LHFPL3: variants seen among roughly 807,000 people sequenced by gnomAD.
LHFPL3 encodes LHFPL tetraspan subfamily member 3.
Under a neutral mutation model 19.3 loss-of-function variants are expected in LHFPL3, and 5 were observed. The ratio of observed to expected loss-of-function variants is 0.26; its 90% confidence interval spans 0.14 to 0.54. The LOEUF is 0.54. LHFPL3 is among the 20% of genes least tolerant of loss of function. LHFPL3 has a pLI of 0.94. For missense variants in LHFPL3, 249 were observed against 307.4 expected (o/e 0.81, Z 1.42); for synonymous variants, 133 against 126.2 (o/e 1.05, Z -0.36).
rs1425624623 is a variant in LHFPL3 at position 104,328,603 on chromosome 7, G to C, written c.-177G>C. The C allele has an allele frequency of 3.2e-6, 2 of 627,152 alleles. No homozygotes were observed. Among genetic ancestry groups the C allele is most frequent in the East Asian group, 5.6e-5 (2 of 35,886 alleles). The allele number at this position is 627,152 out of a possible 1,614,324, so 38.8% of individuals were successfully genotyped here. Reference sequence around the variant, plus strand: ...CAGGCGAGCCGGAGGGGTGCTCCGCGCTCCCCCGCCCTCCTTCCGGGAGCG... The same window carrying C: ...CAGGCGAGCCGGAGGGGTGCTCCGCCCTCCCCCGCCCTCCTTCCGGGAGCG... On this transcript the variant is annotated 5_prime_UTR_variant, in exon 1 of 3. Coordinates refer to ENST00000424859, the MANE Select transcript of LHFPL3 (RefSeq NM_199000.3). This position sits in a 1 kb window ranked among gnomAD's most constrained non-coding sequence, Gnocchi z 4.6.
chr7:104,575,920 T>A (rs1422529402), intron 1 of LHFPL3, among the ~76,000 whole-genome samples: 1 of 152,144 alleles, frequency 6.6e-6, no homozygotes. Context: ...AGGGAGGTAA[T>A]CTTTTTGGAA....
intron 2 of LHFPL3, among the ~76,000 whole-genome samples, chr7:104,740,868 T>A (rs1341761038): frequency 6.6e-6 from 1 of 152,174 alleles, no homozygotes; most frequent in African/African-American, 2.4e-5. Flanking sequence ...CTAAGTGTCA[T>A]TGCAGCAAGG....
At chr7:104,778,425 T>C (rs1031063152) in intron 2 of LHFPL3, among the ~76,000 whole-genome samples, 4 of 152,198 alleles carry the variant, frequency 2.6e-5, no homozygotes, top group Admixed American at 6.5e-5. Flanking sequence ...AGCCACAGAT[T>C]TGACCACTCC....
At chr7:104,754,869 T>C (rs749981618) in intron 2 of LHFPL3, among the ~76,000 whole-genome samples, 1 of 152,220 alleles carries the variant, frequency 6.6e-6, no homozygotes, top group South Asian at 2.1e-4. Flanking sequence ...CTCTCATTTT[T>C]TCCCCTTGTT....
intron 1 of LHFPL3, among the ~76,000 whole-genome samples, chr7:104,657,067 A>G (rs1190098551): frequency 6.6e-6 from 1 of 152,160 alleles, no homozygotes; most frequent in African/African-American, 2.4e-5. Flanking sequence ...TTCTCCACCT[A>G]TCCCTTTTTA....
chr7:104,433,013 C>T (rs1052709187), intron 1 of LHFPL3, among the ~76,000 whole-genome samples: 1 of 152,124 alleles, frequency 6.6e-6, no homozygotes, highest in African/African-American at 2.4e-5. Context: ...CTCGGGTAAG[C>T]TTTGCACTGT....
chr7:104,351,337 G>A (rs761070746), intron 1 of LHFPL3, among the ~76,000 whole-genome samples: 4 of 152,072 alleles, frequency 2.6e-5, no homozygotes, highest in Non-Finnish European at 5.9e-5. Flanking sequence ...AGTCAGTAGA[G>A]CCCATTTCAC....
At chr7:104,626,799 G>T (rs1791553608) in intron 1 of LHFPL3, among the ~76,000 whole-genome samples, 1 of 152,040 alleles carries the variant, frequency 6.6e-6, no homozygotes, top group African/African-American at 2.4e-5. Context: ...TTAGACAAGG[G>T]TCTACTATAT....
chr7:104,515,240 G>T (rs951184330), intron 1 of LHFPL3, among the ~76,000 whole-genome samples: 1 of 152,002 alleles, frequency 6.6e-6, no homozygotes, highest in African/African-American at 2.4e-5. Context: ...ATGCCCAGGG[G>T]GATTAATCTG....
chr7:104,731,905 C>G (rs1261232721), intron 1 of LHFPL3, among the ~76,000 whole-genome samples: 2 of 152,106 alleles, frequency 1.3e-5, no homozygotes, highest in African/African-American at 4.8e-5. Context: ...CTCATTAATA[C>G]CTAATTTATT....
intron 1 of LHFPL3, chr7:104,668,650 G>A (rs1465990644): frequency 9.3e-6 from 15 of 1,612,132 alleles, no homozygotes; most frequent in South Asian, 3.3e-5. Context: ...TATGACAGAC[G>A]GGATGATCGG....
intron 2 of LHFPL3, among the ~76,000 whole-genome samples, chr7:104,745,520 T>C (rs1490625531): frequency 9.2e-5 from 14 of 152,214 alleles, no homozygotes; most frequent in Admixed American, 9.2e-4. Flanking sequence ...ACCCTGTAAG[T>C]ATGTACCAAG....
At chr7:104,865,260 G>C (rs922472262) in intron 2 of LHFPL3, among the ~76,000 whole-genome samples, 3 of 152,132 alleles carry the variant, frequency 2.0e-5, no homozygotes, top group Non-Finnish European at 4.4e-5. Flanking sequence ...GAAGGCTTCA[G>C]ACGATCAAAC....
chr7:104,787,026 T>G (rs1390063805), intron 2 of LHFPL3, among the ~76,000 whole-genome samples: 2 of 152,224 alleles, frequency 1.3e-5, no homozygotes, highest in Non-Finnish European at 2.9e-5. Flanking sequence ...CACTTACTTT[T>G]ATGTTTTGTT....
At position 104,680,573 on chromosome 7, in the gene LHFPL3, AG is replaced by A. The variant is rs1792676497; in HGVS notation, c.446-56101del. On this transcript the variant is annotated intron_variant, in intron 1 of 2. Transcript: ENST00000424859. ...ATACCCATTATCCCTCAAGGGCCATAGAAACACCTCCCCTTGTAGGACCTAA... is the reference window on the plus strand; with the variant it reads ...ATACCCATTATCCCTCAAGGGCCATAAAACACCTCCCCTTGTAGGACCTAA... Among the ~76,000 whole-genome samples, 3 of 152,214 alleles carry A rather than the reference AG, an allele frequency of 2.0e-5. No homozygotes were observed. The South Asian group carries it at 6.2e-4, about 32-fold the overall frequency.
At chr7:104,739,933 T>C (rs148416131) in intron 2 of LHFPL3, among the ~76,000 whole-genome samples, 1 of 152,318 alleles carries the variant, frequency 6.6e-6, no homozygotes, top group East Asian at 1.9e-4. Context: ...TCTTTCCCCA[T>C]TGAAATCTCA....
chr7:104,809,465 C>A (rs1790425376), intron 2 of LHFPL3, among the ~76,000 whole-genome samples: 1 of 152,218 alleles, frequency 6.6e-6, no homozygotes, highest in Non-Finnish European at 1.5e-5. Flanking sequence ...AGGCACTCAA[C>A]CTGGATACAG....
intron 1 of LHFPL3, among the ~76,000 whole-genome samples, chr7:104,474,376 G>C (rs1193201029): frequency 1.3e-5 from 2 of 152,082 alleles, no homozygotes; most frequent in East Asian, 1.9e-4. Context: ...GATTAAGAAA[G>C]GGTCTTGGCC....
chr7:104,627,089 A>G (rs535330856), intron 1 of LHFPL3, among the ~76,000 whole-genome samples: 3 of 152,124 alleles, frequency 2.0e-5, no homozygotes, highest in Admixed American at 6.6e-5. Context: ...TATTCCTCCT[A>G]TCTAACCGAA....
Sources: gnomAD v4.1 joint callset for allele counts (sites outside exome capture counted in the v4.1 genomes callset) on GRCh38, gnomAD v4.1.1 for gene constraint, Gnocchi (gnomAD v3.1) non-coding constraint, MANE v1.5 for transcripts, NCBI Gene and HGNC (gene_info 2026-07-23, HGNC 2026-07-21) for gene names.